The following RALGPS2 variants were observed in gnomAD, a reference collection of about 807,000 sequenced individuals.
RALGPS2 encodes Ral GEF with PH domain and SH3 binding motif 2, also known as ras-specific guanine nucleotide-releasing factor RalGPS2.
Under a neutral mutation model 86.8 loss-of-function variants are expected in RALGPS2, and 43 were observed. The ratio of observed to expected loss-of-function variants is 0.50; its 90% CI spans 0.39 to 0.64. The LOEUF (loss-of-function observed/expected upper bound fraction) is 0.64, where lower values mean the gene tolerates loss of function less well. Among genes scored for constraint, RALGPS2 ranks in the 30% least tolerant of loss-of-function variants. The probability of loss-of-function intolerance (pLI) is 0.00; values close to 1 mark genes in which losing one functional copy is unlikely to be tolerated. For synonymous variants in RALGPS2, 243 were observed against 231.3 expected (o/e 1.05, Z -0.46); for missense variants, 536 against 694.6 (o/e 0.77, Z 2.57).
chr1:178,744,841 A>C (rs764309036), intron 1 of RALGPS2, among the ~76,000 whole-genome samples: 7 of 150,922 alleles, frequency 4.6e-5, no homozygotes, highest in Non-Finnish European at 5.9e-5. Flanking sequence ...AAAAAAAGAA[A>C]GGAAAAGGCA....
rs1302372472 is a variant in RALGPS2, at chr1:178,918,355, C to CT, written c.*2002dup. 6.6e-6 allele frequency: 1 copy of CT among 151,942 alleles called. No individual in the cohort carries two copies. The highest frequency in any genetic ancestry group is 1.9e-4 in the East Asian group (1 of 5,190). 9.4% of individuals were successfully genotyped at this position (151,942 alleles called of 1,614,324 possible). A position where few individuals can be genotyped will look rare whatever the true frequency, so the allele number is the denominator to read the frequency against. On this transcript the variant is annotated 3_prime_UTR_variant, in exon 20 of 20. Coordinates refer to ENST00000367635, the MANE Select transcript of RALGPS2 (RefSeq NM_152663.5). ...AATAGCGTTTTTAACAGTGTATGTG[C>CT]TTTTTTAAAAAGTATTGTGAATGAG...
Position 178,877,646 on chromosome 1 carries a change from A to G in RALGPS2, c.745+11A>G, listed in dbSNP as rs1572441837. The stretch of plus-strand genomic sequence containing the variant: ...AGTCTTGTGAATATGGTAAGTTTCT[A>G]GGGGATAATGCCAAGCCATTAAGAT... On this transcript the variant is annotated intron_variant, in intron 9 of 19. Coordinates refer to ENST00000367635, the MANE Select transcript of RALGPS2 (RefSeq NM_152663.5). 6.2e-7 allele frequency: 1 copy of G among 1,612,272 alleles called. No homozygotes were observed. Among genetic ancestry groups the G allele is most frequent in the Non-Finnish European group, 8.5e-7 (1 of 1,178,858 alleles).
intron 8 of RALGPS2, among the ~76,000 whole-genome samples, chr1:178,861,553 T>C (rs1029548662): frequency 6.6e-6 from 1 of 152,070 alleles, no homozygotes; most frequent in Non-Finnish European, 1.5e-5. Flanking sequence ...TGTTTAAAAA[T>C]GTGAATAGTG....
intron 16 of RALGPS2, among the ~76,000 whole-genome samples, chr1:178,897,432 T>C (rs1311760879): frequency 6.6e-6 from 1 of 152,086 alleles, no homozygotes; most frequent in Non-Finnish European, 1.5e-5. Flanking sequence ...GAATCGGGGT[T>C]AACTATTCTT....
At chr1:178,883,388 G>A (rs1390783261) in intron 10 of RALGPS2, 78 bp from the exon 11 acceptor site, 2 of 1,160,552 alleles carry the variant, frequency 1.7e-6, no homozygotes, top group South Asian at 2.6e-5. Context: ...GTTTTTTTGT[G>A]AGAAAATACA....
chr1:178,802,126 A>G lies in RALGPS2; in HGVS notation c.214-5919A>G, dbSNP rs186410809. Among the ~76,000 whole-genome samples the G allele has an allele frequency of 1.3e-3, 194 of 152,182 alleles. 2 individuals are homozygous for G. Among genetic ancestry groups the G allele is most frequent in the African/African-American group, 4.3e-3 (177 of 41,558 alleles). On this transcript the variant is annotated intron_variant, in intron 4 of 19. Transcript: ENST00000367635. ...GGTAAAACTCAACTACTCATAGCCT[A>G]CCATTGACTGGAAGCCTTATTGATA... is the stretch of plus-strand genomic sequence containing the variant.
chr1:178,754,980 A>G (rs1157475924), intron 1 of RALGPS2, among the ~76,000 whole-genome samples: 3 of 152,096 alleles, frequency 2.0e-5, no homozygotes, highest in African/African-American at 4.8e-5. Context: ...TTGTGTTTTT[A>G]GTAGAGACAG....
At chr1:178,891,902 G>T (rs976799760) in intron 14 of RALGPS2, among the ~76,000 whole-genome samples, 1 of 132,932 alleles carries the variant, frequency 7.5e-6, no homozygotes, top group Non-Finnish European at 1.6e-5. Context: ...AAGAATTTTT[G>T]AAGTATTTTT....
At chr1:178,889,911 A>G (rs901172649) in intron 14 of RALGPS2, among the ~76,000 whole-genome samples, 3 of 152,016 alleles carry the variant, frequency 2.0e-5, no homozygotes, top group African/African-American at 7.2e-5. Flanking sequence ...GTGGCATGAC[A>G]CATGTATTTG....
At chr1:178,852,693 A>G (rs1657254238) in intron 8 of RALGPS2, 2 of 1,612,402 alleles carry the variant, frequency 1.2e-6, no homozygotes, top group Non-Finnish European at 1.7e-6. Flanking sequence ...CTGCATACAT[A>G]TCTTTATCTC....
chr1:178,818,853 T>A (rs1208779053), intron 6 of RALGPS2, among the ~76,000 whole-genome samples: 1 of 152,242 alleles, frequency 6.6e-6, no homozygotes, highest in Non-Finnish European at 1.5e-5. Flanking sequence ...CTCTCCAGTG[T>A]CTTTAATAAA....
intron 1 of RALGPS2, among the ~76,000 whole-genome samples, chr1:178,769,701 C>T (rs1164395955): frequency 1.3e-5 from 2 of 152,128 alleles, no homozygotes; most frequent in Non-Finnish European, 2.9e-5. Context: ...CCTGGCTGCA[C>T]GTCTCATTGT....
intron 8 of RALGPS2, among the ~76,000 whole-genome samples, chr1:178,855,687 T>C (rs1657488359): frequency 1.3e-5 from 2 of 151,878 alleles, no homozygotes; most frequent in Non-Finnish European, 2.9e-5. Flanking sequence ...TAAACATATT[T>C]TCCTTTAAGA....
chr1:178,887,459 AAAG>A (rs1248730884), intron 13 of RALGPS2, among the ~76,000 whole-genome samples: 1 of 152,238 alleles, frequency 6.6e-6, no homozygotes, highest in Non-Finnish European at 1.5e-5. Flanking sequence ...TGTCTCAAAA[AAAG>A]AAAGAAATTG....
intron 8 of RALGPS2, among the ~76,000 whole-genome samples, chr1:178,856,183 A>T (rs993863310): frequency 3.0e-5 from 4 of 133,218 alleles, no homozygotes; most frequent in Non-Finnish European, 4.7e-5. Context: ...TGTTACCTGT[A>T]CTTTTCCAGA....
intron 18 of RALGPS2, 63 bp downstream of exon 18, chr1:178,902,274 GTA>G: frequency 7.0e-6 from 9 of 1,276,692 alleles, no homozygotes; most frequent in Non-Finnish European, 9.1e-6. Flanking sequence ...ATGTATGTAT[GTA>G]TGTGTGTGTG....
chr1:178,733,138 A>G (rs1215780382), intron 1 of RALGPS2, among the ~76,000 whole-genome samples: 3 of 152,206 alleles, frequency 2.0e-5, no homozygotes, highest in Non-Finnish European at 4.4e-5. Context: ...AAAACAAAAC[A>G]TGGAAAAATA....
intron 1 of RALGPS2, among the ~76,000 whole-genome samples, chr1:178,745,822 C>CTTTTTTTTTTTT (rs34277622): frequency 1.3e-4 from 11 of 86,112 alleles, no homozygotes; most frequent in East Asian, 3.4e-4. Context: ...TTCAATTCTT[C>CTTTTTTTTTTTT]TTTTTTTTTT....
chr1:178,820,841 G>A (rs1040786018), intron 6 of RALGPS2, among the ~76,000 whole-genome samples: 5 of 151,774 alleles, frequency 3.3e-5, no homozygotes, highest in Admixed American at 6.6e-5. Context: ...TGTTTTCTTC[G>A]GGCTTTCAAT....
Sources: gnomAD v4.1 joint callset for allele counts (sites outside exome capture counted in the v4.1 genomes callset) on GRCh38, gnomAD v4.1.1 for gene constraint, MANE v1.5 for transcripts, NCBI Gene and HGNC (gene_info 2026-07-23, HGNC 2026-07-21) for gene names.